The following JCAD variants were observed in gnomAD, a reference collection of about 807,000 sequenced individuals.
JCAD encodes junctional cadherin 5-associated protein.
A neutral mutation model predicts 98.0 loss-of-function variants in JCAD; 40 were observed. The ratio of observed to expected loss-of-function variants is 0.41; its 90% CI spans 0.32 to 0.53. The LOEUF (loss-of-function observed/expected upper bound fraction) is 0.53, where lower values mean the gene tolerates loss of function less well. JCAD is among the 20% of genes least tolerant of loss of function. JCAD has a pLI of 0.31. For synonymous variants in JCAD, 691 were observed against 682.3 expected, an observed-to-expected ratio of 1.01 and a Z score of -0.20; for missense variants, 1,705 against 1,738.1, an observed-to-expected ratio of 0.98 and a Z score of 0.34.
intron 1 of JCAD, among the ~76,000 whole-genome samples, chr10:30,114,876 A>G (rs1293952291): frequency 6.6e-6 from 1 of 152,050 alleles, no homozygotes; most frequent in Non-Finnish European, 1.5e-5. Flanking sequence ...ATAATAGATG[A>G]TAGATAGATA....
At chr10:30,046,888 T>TA (rs1251089966) in intron 2 of JCAD, among the ~76,000 whole-genome samples, 1 of 152,096 alleles carries the variant, frequency 6.6e-6, no homozygotes, top group Non-Finnish European at 1.5e-5. Flanking sequence ...GGCCAGGAGT[T>TA]AGAGATCAGC....
chr10:30,079,114 C>T (rs1371661751), intron 1 of JCAD, among the ~76,000 whole-genome samples: 6 of 152,022 alleles, frequency 3.9e-5, no homozygotes, highest in Admixed American at 3.9e-4. Flanking sequence ...GAATAGTAAT[C>T]ATCTTGGGAG....
At chr10:30,076,450 G>C (rs1475836855) in intron 1 of JCAD, among the ~76,000 whole-genome samples, 1 of 152,162 alleles carries the variant, frequency 6.6e-6, no homozygotes, top group African/African-American at 2.4e-5. Flanking sequence ...AGAAACCACA[G>C]GTGAAACTGA....
intron 1 of JCAD, among the ~76,000 whole-genome samples, chr10:30,085,429 T>G (rs373791903): frequency 1.3e-5 from 2 of 152,288 alleles, no homozygotes; most frequent in South Asian, 2.1e-4. Context: ...AAATTTGTCA[T>G]TGAGCTAGAG....
chr10:30,076,058 C>A (rs919699357), intron 1 of JCAD, among the ~76,000 whole-genome samples: 5 of 151,648 alleles, frequency 3.3e-5, no homozygotes, highest in Middle Eastern at 3.4e-3. Flanking sequence ...GAGTCTCATT[C>A]TGTCACCCCA....
At chr10:30,063,811 A>T (rs1055818051), upstream of JCAD, among the ~76,000 whole-genome samples, 46 of 150,096 alleles carry the variant, frequency 3.1e-4, no homozygotes, top group African/African-American at 1.1e-3. Flanking sequence ...GAGAGATGGG[A>T]TCTTTTTTTT....
intron 2 of JCAD, among the ~76,000 whole-genome samples, chr10:30,043,018 C>G (rs1433832148): frequency 6.6e-6 from 1 of 152,244 alleles, no homozygotes; most frequent in Non-Finnish European, 1.5e-5. Context: ...TTACTGTCTA[C>G]TCATCAATTT....
rs1181142331 is a variant in JCAD, at chr10:30,017,341, C to G, written c.*542G>C. On this transcript the variant is annotated 3_prime_UTR_variant, in exon 4 of 4. Transcript: ENST00000375377. ...GGCAAGTTACTTATAAGTAAAGTTA[C>G]TTCCAGCAGCAGAAGGCCAAATTGA... is the stretch of plus-strand genomic sequence containing the variant. 6.5e-6 allele frequency: 1 copy of G among 154,082 alleles called. No homozygotes were observed. The highest frequency in any genetic ancestry group is 2.4e-5 in the African/African-American group (1 of 41,458). 9.5% of individuals were successfully genotyped at this position (154,082 alleles called of 1,614,324 possible).
At chr10:30,109,817 T>C (rs549458025) in intron 1 of JCAD, among the ~76,000 whole-genome samples, 141 of 152,228 alleles carry the variant, frequency 9.3e-4, no homozygotes, top group Non-Finnish European at 1.8e-3. Context: ...TGCTGATGTA[T>C]GAACCACCTG....
intron 1 of JCAD, among the ~76,000 whole-genome samples, chr10:30,084,414 T>C (rs563696501): frequency 6.6e-6 from 1 of 152,342 alleles, no homozygotes; most frequent in African/African-American, 2.4e-5. Context: ...TGCGTTTCTG[T>C]GAGGCTGTTT....
At position 30,012,853 on chromosome 10, in the gene JCAD, C is replaced by T. The variant is rs12762831; in HGVS notation, c.*5030G>A. The T allele has an allele frequency of 0.035, 5,336 of 152,348 alleles. 133 individuals carry two copies. The highest frequency in any genetic ancestry group is 0.048 in the Non-Finnish European group (3,297 of 68,062). The allele number at this position is 152,348 out of a possible 1,614,324, so 9.4% of individuals were successfully genotyped here. A position where few individuals can be genotyped will look rare whatever the true frequency, so the allele number is the denominator to read the frequency against. On this transcript the variant is annotated 3_prime_UTR_variant, in exon 4 of 4. Coordinates refer to ENST00000375377, the MANE Select transcript of JCAD (RefSeq NM_020848.4). ...CATGTATGTTACTGAGCAGGCCAGC[C>T]GCCATCCTGAAATAGCAAGGATATT... is the stretch of plus-strand genomic sequence containing the variant.
intron 1 of JCAD, among the ~76,000 whole-genome samples, chr10:30,051,886 T>C (rs935356119): frequency 3.3e-5 from 5 of 152,134 alleles, no homozygotes; most frequent in African/African-American, 9.7e-5. Context: ...TTAATAGAAA[T>C]ATAGAAACTG....
intron 1 of JCAD, among the ~76,000 whole-genome samples, chr10:30,089,209 C>T (rs1402166441): frequency 6.6e-6 from 1 of 152,100 alleles, no homozygotes; most frequent in Non-Finnish European, 1.5e-5. Context: ...AGATTTCGTC[C>T]TCTGCAAAAT....
At chr10:30,112,935 A>T (rs1838731490) in intron 1 of JCAD, among the ~76,000 whole-genome samples, 1 of 150,630 alleles carries the variant, frequency 6.6e-6, no homozygotes, top group Non-Finnish European at 1.5e-5. Flanking sequence ...GGAGCTTGGG[A>T]AAGAGGATAA....
intron 2 of JCAD, among the ~76,000 whole-genome samples, chr10:30,038,388 C>T (rs113801804): frequency 0.018 from 2,681 of 152,012 alleles, 86 homozygotes; most frequent in African/African-American, 0.062. Context: ...CTACAGGTAG[C>T]GAAGACAAAG....
chr10:30,047,980 A>G, intron 1 of JCAD, 109 bp from the exon 2 acceptor site: 1 of 620,938 alleles, frequency 1.6e-6, no homozygotes, highest in Non-Finnish European at 2.8e-6. Context: ...CGATGGACAC[A>G]GCACAGAACC....
At position 30,029,106 on chromosome 10, in the gene JCAD, A is replaced by G. The variant is rs1836923118; in HGVS notation, c.1042T>C (p.Ser348Pro). The change falls in exon 3 of 4, where the codon TCG becomes CCG. Residue 348 changes from serine (S) to proline (P), a missense_variant. Transcript: ENST00000375377. Reference protein sequence around the residue: ...PVYVPPPSYRSPPQNIPNPYL... With the variant: ...PVYVPPPSYRPPPQNIPNPYL... ...GGGTTTGGGATGTTCTGCGGGGGCGATCTGTATGAGGGCGGAGGCACGTAC... is the reference window on the plus strand; with the variant it reads ...GGGTTTGGGATGTTCTGCGGGGGCGGTCTGTATGAGGGCGGAGGCACGTAC... The G allele has an allele frequency of 6.2e-7, 1 of 1,613,962 alleles. No individual in the cohort carries two copies. The highest frequency in any genetic ancestry group is 8.5e-7 in the Non-Finnish European group (1 of 1,179,994).
chr10:30,042,600 C>G (rs1358963690), intron 2 of JCAD, among the ~76,000 whole-genome samples: 2 of 151,500 alleles, frequency 1.3e-5, no homozygotes, highest in African/African-American at 4.9e-5. Flanking sequence ...CGGAGACGCA[C>G]AGATGGGTGG....
intron 1 of JCAD, among the ~76,000 whole-genome samples, chr10:30,100,869 C>T (rs1838460041): frequency 6.6e-6 from 1 of 152,150 alleles, no homozygotes; most frequent in South Asian, 2.1e-4. Flanking sequence ...CATGAGACAT[C>T]AGTCAATACT....
Sources: allele counts gnomAD v4.1 joint callset (sites outside exome capture counted in the v4.1 genomes callset), GRCh38; gene constraint gnomAD v4.1.1; transcripts MANE v1.5; gene names NCBI Gene and HGNC (gene_info 2026-07-23, HGNC 2026-07-21).